Variants in DNAH6 observed in about 807,000 individuals in gnomAD.
The protein encoded by DNAH6 is dynein axonemal heavy chain 6.
In DNAH6, 340 loss-of-function variants were observed where a neutral mutation model predicts 491.4. That is an observed-to-expected ratio of 0.69 (90% CI 0.63 to 0.76). DNAH6 has a LOEUF of 0.76. DNAH6 is among the 30% of genes least tolerant of loss of function. The probability of loss-of-function intolerance (pLI) is 0.00; values close to 1 mark genes in which losing one functional copy is unlikely to be tolerated. For missense variants in DNAH6, 4,443 were observed against 4,972.2 expected (o/e 0.89, Z 3.20); for synonymous variants, 1,603 against 1,686.1 (o/e 0.95, Z 1.21).
chr2:84,514,991 C>T (rs1177559035), upstream of DNAH6, among the ~76,000 whole-genome samples: 1 of 151,944 alleles, frequency 6.6e-6, no homozygotes, highest in Non-Finnish European at 1.5e-5. Context: ...GATTGAGGAG[C>T]AATAGATTTG....
Position 84,552,987 on chromosome 2 carries a change from T to A in DNAH6, c.1555T>A (p.Leu519Met). 1 of 1,611,958 alleles carries A rather than the reference T, an allele frequency of 6.2e-7. No individual in the cohort carries two copies. Among genetic ancestry groups the A allele is most frequent in the African/African-American group, 1.3e-5 (1 of 74,970 alleles). The change falls in exon 10 of 77, where the codon TTG becomes ATG. Residue 519 changes from leucine to methionine, a missense_variant. By Grantham distance (15) the Leu-to-Met change is conservative. This residue lies in a region of DNAH6 where 2,977 missense variants were observed against 3,296.6 expected (regional missense o/e 0.90). Coordinates refer to ENST00000389394, the MANE Select transcript of DNAH6 (RefSeq NM_001370.2). Reference protein sequence around the residue: ...LIPMFLTELMLTVQSLLFEPS... With the variant: ...LIPMFLTELMMTVQSLLFEPS... ...CCCCATGTTTCTCACAGAACTAATG[T>A]TGACAGTCCAGTCACTGCTCTTTGA...
At chr2:84,710,114 A>G (rs917288855) in intron 55 of DNAH6, among the ~76,000 whole-genome samples, 173 bp from the exon 56 acceptor site, 2 of 152,234 alleles carry the variant, frequency 1.3e-5, no homozygotes, top group Non-Finnish European at 2.9e-5. Flanking sequence ...AAGAGTCCCA[A>G]ACATTGGGCT....
At chr2:84,618,569 G>A (rs774609152) in intron 23 of DNAH6, among the ~76,000 whole-genome samples, 1 of 151,482 alleles carries the variant, frequency 6.6e-6, no homozygotes, top group Non-Finnish European at 1.5e-5. Flanking sequence ...ACATGAGAGA[G>A]TTGGGGATAG....
chr2:84,679,228 A>G (rs1693542543), intron 41 of DNAH6, among the ~76,000 whole-genome samples: 1 of 152,198 alleles, frequency 6.6e-6, no homozygotes, highest in Non-Finnish European at 1.5e-5. Flanking sequence ...GATTAGTCCT[A>G]TCATTGTACT....
At chr2:84,600,421 A>G (rs892314273) in intron 18 of DNAH6, among the ~76,000 whole-genome samples, 2 of 152,008 alleles carry the variant, frequency 1.3e-5, no homozygotes, top group African/African-American at 4.8e-5. Context: ...TTTAGTTTTT[A>G]CCTAACATCC....
chr2:84,674,997 A>C (rs1451027632), intron 40 of DNAH6, among the ~76,000 whole-genome samples: 4 of 152,128 alleles, frequency 2.6e-5, no homozygotes, highest in Non-Finnish European at 5.9e-5. Context: ...CCCCCACGGC[A>C]TGCCTTTGTG....
At chr2:84,613,440 C>A (rs1686526608) in intron 22 of DNAH6, among the ~76,000 whole-genome samples, 2 of 152,092 alleles carry the variant, frequency 1.3e-5, no homozygotes, top group African/African-American at 4.8e-5. Context: ...TCCTTGATTA[C>A]ATAGAGCCTT....
rs568578176 is a variant in DNAH6, at chr2:84,573,599, A to G, written c.1924+12A>G. 3.9e-6 allele frequency: 6 copies of G among 1,546,424 alleles called. No homozygotes were observed. Among genetic ancestry groups the G allele is most frequent in the South Asian group, 2.5e-5 (2 of 79,528 alleles). On this transcript the variant is annotated intron_variant, in intron 12 of 76. Transcript: ENST00000389394. ...ACTTCAGGAACCTGGTAACTTGTCC[A>G]TTTGTACTTACTAATTATTTTTATA... is the stretch of plus-strand genomic sequence containing the variant.
At chr2:84,791,205 A>G (rs1473201983) in intron 68 of DNAH6, among the ~76,000 whole-genome samples, 2 of 151,778 alleles carry the variant, frequency 1.3e-5, no homozygotes, top group Non-Finnish European at 2.9e-5. Context: ...AAAAAAGAAA[A>G]AAGAAAAAAA....
intron 33 of DNAH6, among the ~76,000 whole-genome samples, chr2:84,648,898 C>T (rs1690147779): frequency 1.3e-5 from 2 of 152,186 alleles, no homozygotes; most frequent in South Asian, 4.1e-4. Flanking sequence ...TATCAAACAG[C>T]ATCACATGCT....
chr2:84,785,941 C>T (rs530016752), intron 67 of DNAH6, among the ~76,000 whole-genome samples, 185 bp downstream of exon 67: 3 of 152,228 alleles, frequency 2.0e-5, no homozygotes, highest in Admixed American at 6.5e-5. Context: ...ACAGCTTCAG[C>T]TCTCACCTCT....
At chr2:84,511,800 C>G (rs1277375403), upstream of DNAH6, among the ~76,000 whole-genome samples, 1 of 152,108 alleles carries the variant, frequency 6.6e-6, no homozygotes, top group Non-Finnish European at 1.5e-5. Flanking sequence ...CCCTCTTCTT[C>G]TGTTAATATG....
At chr2:84,577,718 G>A (rs1256585494) in intron 13 of DNAH6, among the ~76,000 whole-genome samples, 1 of 151,310 alleles carries the variant, frequency 6.6e-6, no homozygotes, top group Non-Finnish European at 1.5e-5. Context: ...ATATCCTAGA[G>A]GGAGTGATGG....
chr2:84,519,228 C>T (rs543121145), intron 2 of DNAH6, among the ~76,000 whole-genome samples: 131 of 151,870 alleles, frequency 8.6e-4, no homozygotes, highest in African/African-American at 3.0e-3. Flanking sequence ...CTTGCCTCTA[C>T]TCCACTGGGC....
At chr2:84,718,870 G>A (rs1697814145) in intron 59 of DNAH6, among the ~76,000 whole-genome samples, 1 of 152,186 alleles carries the variant, frequency 6.6e-6, no homozygotes, top group Non-Finnish European at 1.5e-5. Context: ...TCTGTGAATA[G>A]TTCATTTTGA....
chr2:84,685,309 C>A lies in DNAH6; in HGVS notation c.6917-17C>A. The A allele has an allele frequency of 2.9e-6, 4 of 1,396,256 alleles. No individual in the cohort carries two copies. Among genetic ancestry groups the A allele is most frequent in the South Asian group, 1.6e-5 (1 of 60,674 alleles). 86.5% of individuals were successfully genotyped at this position (1,396,256 alleles called of 1,614,324 possible). A position where few individuals can be genotyped will look rare whatever the true frequency, so the allele number is the denominator to read the frequency against. On this transcript the variant is annotated splice_polypyrimidine_tract_variant and intron_variant, in intron 42 of 76. Coordinates refer to ENST00000389394, the MANE Select transcript of DNAH6 (RefSeq NM_001370.2). ...TGTAGAATTTTTCTTTTTTTTTTTCCTTTTCTTAAAAAACAGGTATCCTCC... is the reference window on the plus strand; with the variant it reads ...TGTAGAATTTTTCTTTTTTTTTTTCATTTTCTTAAAAAACAGGTATCCTCC...
At chr2:84,509,376 A>T in the DNAH6 span, among the ~76,000 whole-genome samples, 85 of 152,252 alleles carry the variant, frequency 5.6e-4, no homozygotes, top group African/African-American at 2.0e-3. Flanking sequence ...AGTCTGTTTT[A>T]TCAGAGACTA....
At chr2:84,786,089 A>G (rs1677146181) in intron 67 of DNAH6, among the ~76,000 whole-genome samples, 1 of 146,890 alleles carries the variant, frequency 6.8e-6, no homozygotes. Context: ...TGTGTGGTCT[A>G]CAGAGAAAGA....
intron 10 of DNAH6, among the ~76,000 whole-genome samples, chr2:84,553,286 A>C: frequency 6.6e-6 from 1 of 152,030 alleles, no homozygotes; most frequent in Non-Finnish European, 1.5e-5. Context: ...CAAAATTTAA[A>C]AGTGTCTATA....
Sources: allele counts gnomAD v4.1 joint callset (sites outside exome capture counted in the v4.1 genomes callset), GRCh38; gene constraint gnomAD v4.1.1; regional missense constraint gnomAD v4.1.1; transcripts MANE v1.5; gene names NCBI Gene and HGNC (gene_info 2026-07-23, HGNC 2026-07-21).